AUTS2: variants seen among roughly 807,000 people sequenced by gnomAD.
AUTS2 encodes the protein autism susceptibility gene 2 protein.
AUTS2 carries 17 observed loss-of-function variants against 112.4 expected under a neutral mutation model. The ratio of observed to expected loss-of-function variants is 0.15; its 90% CI spans 0.10 to 0.23. The LOEUF (loss-of-function observed/expected upper bound fraction) is 0.23. Among genes scored for constraint, AUTS2 ranks in the 10% least tolerant of loss-of-function variants. The pLI is 1.00. For synonymous variants in AUTS2, 751 were observed against 702.7 expected, an observed-to-expected ratio of 1.07 and a Z score of -1.09; for missense variants, 1,510 against 1,701.6, an observed-to-expected ratio of 0.89 and a Z score of 1.98.
At chr7:70,594,238 G>A (rs562093082) in intron 5 of AUTS2, among the ~76,000 whole-genome samples, 2 of 152,184 alleles carry the variant, frequency 1.3e-5, no homozygotes, top group African/African-American at 4.8e-5. Context: ...CCCTTCAGGT[G>A]ACCCTGGCAA....
intron 5 of AUTS2, among the ~76,000 whole-genome samples, chr7:70,518,220 C>A (rs1427607229): frequency 6.6e-6 from 1 of 152,086 alleles, no homozygotes; most frequent in Non-Finnish European, 1.5e-5. Flanking sequence ...ACAATATGTA[C>A]TTTAATAGGA....
At position 70,487,578 on chromosome 7, in the gene AUTS2, A is replaced by G. The variant is rs867725206; in HGVS notation, c.690+51797A>G. 2.6e-5 allele frequency among the ~76,000 whole-genome samples: 4 copies of G among 152,150 alleles called. No individual in the cohort carries two copies. In the South Asian group the frequency reaches 6.2e-4, roughly 24 times the overall value. On this transcript the variant is annotated intron_variant, in intron 5 of 18. Transcript: ENST00000342771. Reference sequence around the variant, plus strand: ...CAGACAGCCTAATGGACTAATTTGTAATTGGGAGAGGGAAATGAGTTAGCG... The same window carrying G: ...CAGACAGCCTAATGGACTAATTTGTGATTGGGAGAGGGAAATGAGTTAGCG...
At chr7:70,418,978 C>T (rs571608287) in intron 4 of AUTS2, among the ~76,000 whole-genome samples, 1 of 151,322 alleles carries the variant, frequency 6.6e-6, no homozygotes, top group African/African-American at 2.4e-5. Context: ...AATGTATTTT[C>T]TCCTTACTGC....
intron 5 of AUTS2, among the ~76,000 whole-genome samples, chr7:70,466,742 T>C (rs1027315776): frequency 1.3e-5 from 2 of 152,252 alleles, no homozygotes; most frequent in African/African-American, 2.4e-5. Context: ...TAACAGATTG[T>C]GTGCGTGTGT....
At chr7:70,302,489 A>G (rs903969180) in intron 4 of AUTS2, among the ~76,000 whole-genome samples, 1 of 152,138 alleles carries the variant, frequency 6.6e-6, no homozygotes, top group Non-Finnish European at 1.5e-5. Context: ...ATTAAAAAAC[A>G]CCATAATTCC....
chr7:69,687,474 A>G (rs935537994), intron 1 of AUTS2, among the ~76,000 whole-genome samples: 47 of 152,220 alleles, frequency 3.1e-4, no homozygotes, highest in African/African-American at 1.1e-3. Flanking sequence ...ATTTATTAAT[A>G]CAGGTTTTTA....
intron 4 of AUTS2, 108 bp downstream of exon 4, chr7:70,134,679 T>G: frequency 1.6e-5 from 16 of 1,025,812 alleles, no homozygotes; most frequent in Non-Finnish European, 2.4e-5. Flanking sequence ...TCTCTCTCAG[T>G]CCTAAAGAGC....
intron 1 of AUTS2, among the ~76,000 whole-genome samples, chr7:69,725,537 T>A (rs1390436806): frequency 6.6e-6 from 1 of 152,116 alleles, no homozygotes; most frequent in Admixed American, 6.5e-5. Context: ...GGGTTGACAT[T>A]CCAGACAGAA....
chr7:70,674,181 G>T (rs1297529717), intron 5 of AUTS2, among the ~76,000 whole-genome samples: 1 of 152,192 alleles, frequency 6.6e-6, no homozygotes, highest in East Asian at 1.9e-4. Flanking sequence ...GGTGGGGGAG[G>T]GGGGCCCTGA....
intron 5 of AUTS2, among the ~76,000 whole-genome samples, chr7:70,594,638 C>T (rs1803105564): frequency 6.6e-6 from 1 of 152,176 alleles, no homozygotes; most frequent in Admixed American, 6.5e-5. Context: ...TTCTCTGAAG[C>T]TTGCTGTTTT....
At chr7:70,619,100 T>C (rs1329200378) in intron 5 of AUTS2, among the ~76,000 whole-genome samples, 1 of 152,186 alleles carries the variant, frequency 6.6e-6, no homozygotes, top group Admixed American at 6.5e-5. Context: ...CACCAGGCTC[T>C]CCCTGGGTCT....
chr7:69,779,577 T>C (rs1310359994), intron 1 of AUTS2, among the ~76,000 whole-genome samples: 1 of 151,756 alleles, frequency 6.6e-6, no homozygotes, highest in Non-Finnish European at 1.5e-5. Context: ...GCCTGACCAA[T>C]GTGGTGAAAC....
intron 1 of AUTS2, among the ~76,000 whole-genome samples, chr7:69,675,949 A>G (rs1407195758): frequency 1.3e-5 from 2 of 152,164 alleles, no homozygotes; most frequent in African/African-American, 4.8e-5. Context: ...TTTTTACATT[A>G]TATATTGGCA....
intron 1 of AUTS2, among the ~76,000 whole-genome samples, chr7:69,863,085 G>T (rs779749734): frequency 2.0e-5 from 3 of 152,166 alleles, no homozygotes; most frequent in Non-Finnish European, 4.4e-5. Context: ...GGTGGTGATA[G>T]GGTGTACATT....
At chr7:69,648,542 G>A (rs1268192394) in intron 1 of AUTS2, among the ~76,000 whole-genome samples, 2 of 150,538 alleles carry the variant, frequency 1.3e-5, no homozygotes, top group African/African-American at 4.9e-5. Context: ...TTCTATTAGC[G>A]AATAGAAAAC....
At chr7:70,712,196 T>C (rs1229611400) in intron 6 of AUTS2, among the ~76,000 whole-genome samples, 4 of 21,716 alleles carry the variant, frequency 1.8e-4, no homozygotes, top group African/African-American at 2.9e-4. Context: ...TGGCTCACTT[T>C]TTTTTTTTTT....
chr7:70,694,850 C>T lies in AUTS2; in HGVS notation c.691-3719C>T, dbSNP rs2129546914. 1 of 152,076 alleles carries T rather than the reference C, an allele frequency of 6.6e-6. No homozygotes were observed. Among genetic ancestry groups the T allele is most frequent in the African/African-American group, 2.4e-5 (1 of 41,564 alleles). The allele number at this position is 152,076 out of a possible 1,614,324, so 9.4% of individuals were successfully genotyped here. A position where few individuals can be genotyped will look rare whatever the true frequency, so the allele number is the denominator to read the frequency against. On this transcript the variant is annotated intron_variant, in intron 5 of 18. Coordinates refer to ENST00000342771, the MANE Select transcript of AUTS2 (RefSeq NM_015570.4). The surrounding 1 kb of genome is among the most constrained non-coding windows in gnomAD (Gnocchi z 4.1). ...TGCCCGGTTCGGATCTGGTTCGGCG[C>T]CTCCGCTCTCGGACTTTGGCGAGGA...
chr7:70,785,143 G>A, intron 16 of AUTS2, 124 bp downstream of exon 16: 2 of 875,410 alleles, frequency 2.3e-6, no homozygotes, highest in Non-Finnish European at 3.7e-6. Context: ...TTACCATTTA[G>A]GCAGGAGATG....
At chr7:70,668,521 T>G (rs1479650205) in intron 5 of AUTS2, among the ~76,000 whole-genome samples, 4 of 152,224 alleles carry the variant, frequency 2.6e-5, no homozygotes, top group Non-Finnish European at 5.9e-5. Flanking sequence ...GAGACCTTGT[T>G]ATCTTTCTCA....
Sources: allele counts gnomAD v4.1 joint callset (sites outside exome capture counted in the v4.1 genomes callset), GRCh38; gene constraint gnomAD v4.1.1; non-coding constraint Gnocchi (gnomAD v3.1); transcripts MANE v1.5; gene names NCBI Gene and HGNC (gene_info 2026-07-23, HGNC 2026-07-21).